Variants in PCDH9 observed in about 807,000 individuals in gnomAD.
PCDH9 encodes the protein protocadherin-9.
A neutral mutation model predicts 70.6 loss-of-function variants in PCDH9; 24 were observed. That is an observed-to-expected ratio of 0.34 (90% CI 0.25 to 0.48). The LOEUF (loss-of-function observed/expected upper bound fraction) is 0.48, where lower values mean the gene tolerates loss of function less well. Among genes scored for constraint, PCDH9 ranks in the 20% least tolerant of loss-of-function variants. The pLI, the probability that PCDH9 is intolerant of heterozygous loss-of-function variation, is 0.99. For synonymous variants in PCDH9, 562 were observed against 558.5 expected (o/e 1.01, Z -0.09); for missense variants, 1,281 against 1,503.6 (o/e 0.85, Z 2.45).
At chr13:66,914,114 G>C (rs1215387089) in intron 2 of PCDH9, among the ~76,000 whole-genome samples, 1 of 151,966 alleles carries the variant, frequency 6.6e-6, no homozygotes, top group Non-Finnish European at 1.5e-5. Flanking sequence ...TAAAAGGCCA[G>C]AGTGTTTTTT....
intron 3 of PCDH9, among the ~76,000 whole-genome samples, chr13:66,873,808 C>A (rs772237701): frequency 6.6e-6 from 1 of 151,850 alleles, no homozygotes; most frequent in African/African-American, 2.4e-5. Flanking sequence ...TCTAGATATG[C>A]GTCATTGAAA....
chr13:66,737,987 G>C (rs1363862260), intron 3 of PCDH9, among the ~76,000 whole-genome samples: 1 of 152,164 alleles, frequency 6.6e-6, no homozygotes, highest in Non-Finnish European at 1.5e-5. Context: ...ACTGGGTGGA[G>C]CCCACCACAG....
At chr13:66,660,614 A>G (rs1464571410) in intron 3 of PCDH9, among the ~76,000 whole-genome samples, 9 of 152,184 alleles carry the variant, frequency 5.9e-5, no homozygotes, top group Non-Finnish European at 1.2e-4. Flanking sequence ...AAGATTGCAC[A>G]ATACAAATAT....
At chr13:66,324,303 T>C (rs1014624437) in intron 4 of PCDH9, among the ~76,000 whole-genome samples, 1 of 152,004 alleles carries the variant, frequency 6.6e-6, no homozygotes, top group Non-Finnish European at 1.5e-5. Context: ...AAAAGGTAGA[T>C]CTATTGGTGA....
chr13:66,817,776 C>A (rs2080634671), intron 3 of PCDH9, among the ~76,000 whole-genome samples: 1 of 152,018 alleles, frequency 6.6e-6, no homozygotes, highest in Admixed American at 6.6e-5. Flanking sequence ...GCTGGCAACA[C>A]AGGTGCATGC....
intron 4 of PCDH9, among the ~76,000 whole-genome samples, chr13:66,342,281 T>G (rs1462159584): frequency 2.6e-5 from 4 of 152,218 alleles, no homozygotes; most frequent in African/African-American, 9.6e-5. Context: ...TTGCTACTAT[T>G]TCATTTTTAA....
At chr13:66,954,066 C>T (rs1036277639) in intron 2 of PCDH9, among the ~76,000 whole-genome samples, 3 of 152,202 alleles carry the variant, frequency 2.0e-5, no homozygotes, top group African/African-American at 7.2e-5. Context: ...TCTGATTAGG[C>T]AGGGCCATCC....
At chr13:66,849,166 T>C (rs2081266661) in intron 3 of PCDH9, among the ~76,000 whole-genome samples, 1 of 151,994 alleles carries the variant, frequency 6.6e-6, no homozygotes, top group Non-Finnish European at 1.5e-5. Context: ...GGTAATATAT[T>C]GATGATATAT....
At position 66,699,191 on chromosome 13, in the gene PCDH9, G is replaced by C. The variant is rs967455030; in HGVS notation, c.3139-67780C>G. Among the ~76,000 whole-genome samples the C allele has an allele frequency of 3.3e-5, 5 of 152,078 alleles. No homozygotes were observed. The East Asian group carries it at 9.7e-4, about 29-fold the overall frequency. On this transcript the variant is annotated intron_variant, in intron 3 of 4. Transcript: ENST00000377865. ...GGCCTCCCAAAGTGCTGGGATTACA[G>C]GTGTGAGCCACTGCGCCTGGCCCCA...
chr13:66,569,174 G>GTATTT (rs780972093), intron 4 of PCDH9, among the ~76,000 whole-genome samples: 3 of 150,864 alleles, frequency 2.0e-5, no homozygotes, highest in South Asian at 2.1e-4. Context: ...GCTAATTTTT[G>GTATTT]TATTTTATTT....
chr13:67,056,495 CA>C (rs1242330846), intron 2 of PCDH9, among the ~76,000 whole-genome samples: 6 of 152,100 alleles, frequency 3.9e-5, no homozygotes, highest in African/African-American at 1.4e-4. Flanking sequence ...AAGTCTGTCT[CA>C]GGGGAATAAT....
chr13:66,733,112 C>A (rs1464005832), intron 3 of PCDH9, among the ~76,000 whole-genome samples: 1 of 152,058 alleles, frequency 6.6e-6, no homozygotes, highest in African/African-American at 2.4e-5. Context: ...AGATCATTAT[C>A]CTATAAAGAT....
chr13:66,348,873 C>T (rs1956252443), intron 4 of PCDH9, among the ~76,000 whole-genome samples: 1 of 151,986 alleles, frequency 6.6e-6, no homozygotes, highest in East Asian at 1.9e-4. Flanking sequence ...TGTTGTTCTT[C>T]CTCTGTATAA....
At chr13:67,129,815 C>A (rs528334986) in intron 2 of PCDH9, among the ~76,000 whole-genome samples, 1 of 151,896 alleles carries the variant, frequency 6.6e-6, no homozygotes, top group Non-Finnish European at 1.5e-5. Context: ...AATAAATTAT[C>A]TATTCTGGAT....
At position 66,506,676 on chromosome 13, in the gene PCDH9, C is replaced by A. The variant is rs187422112; in HGVS notation, c.3340+124534G>T. Among the ~76,000 whole-genome samples, 15 of 151,996 alleles carry A rather than the reference C, an allele frequency of 9.9e-5. No individual in the cohort carries two copies. In the East Asian group the frequency reaches 2.9e-3, roughly 29 times the overall value. ...TTCAATCCTGATTATGGCATTATGGCGCTACACACTAAGAAAGCTTAATAA... is the reference window on the plus strand; with the variant it reads ...TTCAATCCTGATTATGGCATTATGGAGCTACACACTAAGAAAGCTTAATAA... On this transcript the variant is annotated intron_variant, in intron 4 of 4. Transcript: ENST00000377865.
chr13:66,476,343 T>C lies in PCDH9; in HGVS notation c.3340+154867A>G, dbSNP rs184935460. ...TCACTAAAATATTATATGATGTTAG[T>C]AATACACAAATTGTTAGACTTTATT... On this transcript the variant is annotated intron_variant, in intron 4 of 4. Coordinates refer to ENST00000377865, the MANE Select transcript of PCDH9 (RefSeq NM_203487.3). 3.8e-4 allele frequency among the ~76,000 whole-genome samples: 58 copies of C among 152,188 alleles called. 1 individual carries two copies. Among genetic ancestry groups the C allele is most frequent in the Middle Eastern group, 6.8e-3 (2 of 294 alleles).
At chr13:66,739,912 G>T (rs1480525316) in intron 3 of PCDH9, among the ~76,000 whole-genome samples, 1 of 146,370 alleles carries the variant, frequency 6.8e-6, no homozygotes. Flanking sequence ...ACACCCCACT[G>T]TCAACATTAG....
intron 4 of PCDH9, among the ~76,000 whole-genome samples, chr13:66,458,484 T>G (rs942803836): frequency 1.3e-5 from 2 of 152,056 alleles, no homozygotes; most frequent in African/African-American, 4.8e-5. Context: ...AGAGAGCTGG[T>G]CACCTTTTTC....
chr13:67,149,520 CAAAT>C (rs1277678126), intron 2 of PCDH9, among the ~76,000 whole-genome samples: 1 of 151,666 alleles, frequency 6.6e-6, no homozygotes, highest in Non-Finnish European at 1.5e-5. Flanking sequence ...AGGAAGGAAA[CAAAT>C]CTGAACAAAA....
Sources: allele counts gnomAD v4.1 joint callset (sites outside exome capture counted in the v4.1 genomes callset), GRCh38; gene constraint gnomAD v4.1.1; transcripts MANE v1.5; gene names NCBI Gene and HGNC (gene_info 2026-07-23, HGNC 2026-07-21).